The following SYT15B variants were observed in gnomAD, a reference collection of about 807,000 sequenced individuals.
The protein encoded by SYT15B is synaptotagmin 15B.
At chr10:47,755,701 AGC>A in the SYT15B span, among the ~76,000 whole-genome samples, 8 of 142,894 alleles carry the variant, frequency 5.6e-5, no homozygotes, top group East Asian at 1.1e-3. Context: ...AGTAGAGATG[AGC>A]GTTTCACCAT....
chr10:47,762,738 C>T, the SYT15B span: 1 of 1,106,614 alleles, frequency 9.0e-7, no homozygotes, highest in Non-Finnish European at 1.1e-6. Context: ...CGGGCGAGCA[C>T]AGGGGCGGTC....
the SYT15B span, among the ~76,000 whole-genome samples, chr10:47,749,611 G>A: frequency 1.3e-3 from 196 of 150,604 alleles, no homozygotes; most frequent in Non-Finnish European, 1.2e-3. Context: ...TACAGAAGTT[G>A]TAATCTGTGG....
At chr10:47,749,984 C>G in the SYT15B span, among the ~76,000 whole-genome samples, 7 of 152,124 alleles carry the variant, frequency 4.6e-5, no homozygotes, top group South Asian at 2.1e-4. Flanking sequence ...TAAAGGTTCA[C>G]TCTACCAGAA....
chr10:47,760,972 G>A, the SYT15B span: 18 of 1,528,738 alleles, frequency 1.2e-5, no homozygotes, highest in African/African-American at 2.8e-5. Flanking sequence ...GCAAGTGAAT[G>A]GTGTGGTCTC....
chr10:47,748,203 A>G, the SYT15B span, among the ~76,000 whole-genome samples: 1 of 149,938 alleles, frequency 6.7e-6, no homozygotes, highest in Non-Finnish European at 1.5e-5. Flanking sequence ...GGCACACTAT[A>G]CTTTTTTTTT....
At chr10:47,757,044 C>G in the SYT15B span, among the ~76,000 whole-genome samples, 23 of 90,976 alleles carry the variant, frequency 2.5e-4, no homozygotes, top group African/African-American at 8.4e-4. Context: ...GCTTCCTGCA[C>G]CAGAACTGTC....
At chr10:47,748,676 G>A in the SYT15B span, among the ~76,000 whole-genome samples, 357 of 152,100 alleles carry the variant, frequency 2.3e-3, no homozygotes, top group African/African-American at 8.1e-3. Context: ...TTTTGTAGAG[G>A]GGGGGGATCT....
At chr10:47,756,672 T>A in the SYT15B span, among the ~76,000 whole-genome samples, 2 of 152,310 alleles carry the variant, frequency 1.3e-5, no homozygotes, top group African/African-American at 4.8e-5. Flanking sequence ...CACAAACAGG[T>A]GGCTGACCAC....
chr10:47,745,692 G>A, the SYT15B span, among the ~76,000 whole-genome samples: 3 of 137,746 alleles, frequency 2.2e-5, no homozygotes, highest in Non-Finnish European at 4.8e-5. Context: ...GCACAGCCAA[G>A]CACAAATTCC....
the SYT15B span, among the ~76,000 whole-genome samples, chr10:47,750,006 T>TA: frequency 1.3e-5 from 2 of 152,158 alleles, no homozygotes; most frequent in Admixed American, 6.5e-5. Context: ...ACATCAATTT[T>TA]AAATGGGTAT....
chr10:47,761,102 G>GCACA, the SYT15B span, among the ~76,000 whole-genome samples: 2,235 of 145,416 alleles, frequency 0.015, 27 homozygotes, highest in Middle Eastern at 0.042. Context: ...ACACACACAC[G>GCACA]CACACACACA....
the SYT15B span, among the ~76,000 whole-genome samples, chr10:47,749,318 A>G: frequency 6.7e-6 from 1 of 149,088 alleles, no homozygotes; most frequent in Non-Finnish European, 1.5e-5. Flanking sequence ...ACTAAAGGGA[A>G]TTCTTCAGGT....
chr10:47,762,732 CG>C, the SYT15B span: 1 of 1,075,220 alleles, frequency 9.3e-7, no homozygotes, highest in African/African-American at 1.7e-5. Context: ...CGCCGTCGGG[CG>C]AGCACAGGGG....
the SYT15B span, among the ~76,000 whole-genome samples, chr10:47,745,819 A>G: frequency 2.0e-5 from 3 of 146,612 alleles, no homozygotes; most frequent in Non-Finnish European, 4.5e-5. Context: ...CCCTCAGGAA[A>G]AAGATATCAT....
the SYT15B span, among the ~76,000 whole-genome samples, chr10:47,750,710 T>A: frequency 3.0e-5 from 4 of 133,848 alleles, no homozygotes; most frequent in African/African-American, 1.1e-4. Flanking sequence ...AGTGCGGGGA[T>A]AATAGATGTG....
the SYT15B span, among the ~76,000 whole-genome samples, chr10:47,747,156 A>G: frequency 4.0e-5 from 6 of 151,242 alleles, no homozygotes; most frequent in Non-Finnish European, 8.9e-5. Context: ...GATTTTAGCT[A>G]AGAGGCCGAG....
the SYT15B span, chr10:47,763,009 G>C: frequency 8.7e-7 from 1 of 1,152,374 alleles, no homozygotes; most frequent in Non-Finnish European, 1.1e-6. Context: ...CCCCATCCCG[G>C]AGAGCAGGGC....
the SYT15B span, chr10:47,750,880 T>C: frequency 5.3e-5 from 8 of 151,818 alleles, no homozygotes; most frequent in African/African-American, 1.7e-4. Flanking sequence ...CCTGCTGGTT[T>C]CTATTACAAG....
At chr10:47,745,721 G>A in the SYT15B span, among the ~76,000 whole-genome samples, 1 of 136,666 alleles carries the variant, frequency 7.3e-6, no homozygotes, top group African/African-American at 2.6e-5. Flanking sequence ...CCAGCTCCAG[G>A]AAACATCAGC....
Sources: allele counts gnomAD v4.1 joint callset (sites outside exome capture counted in the v4.1 genomes callset), GRCh38; gene constraint gnomAD v4.1.1; transcripts MANE v1.5; gene names NCBI Gene and HGNC (gene_info 2026-07-23, HGNC 2026-07-21).